PLXNC1: variants seen among roughly 807,000 people sequenced by gnomAD.
PLXNC1 encodes plexin-C1.
Under a neutral mutation model 178.2 loss-of-function variants are expected in PLXNC1, and 75 were observed. That is an observed-to-expected ratio of 0.42 (90% CI 0.35 to 0.51). The LOEUF (loss-of-function observed/expected upper bound fraction) is 0.51, where lower values mean the gene tolerates loss of function less well. Among genes scored for constraint, PLXNC1 ranks in the 20% least tolerant of loss-of-function variants. The pLI is 0.02. For missense variants in PLXNC1, 1,503 were observed against 1,984.4 expected (o/e 0.76, Z 4.61); for synonymous variants, 790 against 779.9 (o/e 1.01, Z -0.22).
chr12:94,237,131 G>A (rs1050648247), intron 9 of PLXNC1, among the ~76,000 whole-genome samples: 1 of 152,220 alleles, frequency 6.6e-6, no homozygotes, highest in African/African-American at 2.4e-5. Flanking sequence ...GATAGTAGGT[G>A]ACTGAACAGG....
intron 3 of PLXNC1, among the ~76,000 whole-genome samples, chr12:94,182,207 C>T (rs1962333118): frequency 6.6e-6 from 1 of 152,072 alleles, no homozygotes; most frequent in Non-Finnish European, 1.5e-5. Flanking sequence ...TGTCTAGGTG[C>T]ATAGAATTGT....
intron 3 of PLXNC1, among the ~76,000 whole-genome samples, chr12:94,183,484 C>T (rs1962399874): frequency 6.6e-6 from 1 of 152,212 alleles, no homozygotes; most frequent in Admixed American, 6.5e-5. Flanking sequence ...TAACAGTTCC[C>T]ATTCCCAGGG....
intron 23 of PLXNC1, among the ~76,000 whole-genome samples, chr12:94,292,113 A>G (rs1325766678): frequency 6.6e-6 from 1 of 152,250 alleles, no homozygotes; most frequent in African/African-American, 2.4e-5. Flanking sequence ...ATGAACTAAC[A>G]CATAGTAATA....
rs1378288736 is a variant in PLXNC1, at chr12:94,226,720, T to G, written c.1893+13T>G. The G allele has an allele frequency of 6.3e-7, 1 of 1,585,506 alleles. No homozygotes were observed. The highest frequency in any genetic ancestry group is 1.3e-5 in the African/African-American group (1 of 74,232). On this transcript the variant is annotated intron_variant, in intron 8 of 30. Transcript: ENST00000258526. ...TGAGAGAAACCAGGTAAAGTGACAT[T>G]TTTGGTATTGTAAGTCTTAACCGCC...
chr12:94,302,922 C>A lies in PLXNC1; in HGVS notation c.4387-834C>A, dbSNP rs182126438. Among the ~76,000 whole-genome samples, 3 of 152,070 alleles carry A rather than the reference C, an allele frequency of 2.0e-5. No homozygotes were observed. The South Asian group carries it at 6.2e-4, about 32-fold the overall frequency. ...TGAATGATAGCATGATTTCTGGGTT[C>A]CACTTAAATTTGACAAATGAGAAAA... On this transcript the variant is annotated intron_variant, in intron 28 of 30. Coordinates refer to ENST00000258526, the MANE Select transcript of PLXNC1 (RefSeq NM_005761.3).
intron 14 of PLXNC1, among the ~76,000 whole-genome samples, chr12:94,250,273 G>A (rs1167620588): frequency 6.6e-6 from 1 of 152,184 alleles, no homozygotes; most frequent in African/African-American, 2.4e-5. Flanking sequence ...GTGGGCTGCA[G>A]AAGGCATGGG....
intron 3 of PLXNC1, chr12:94,186,056 C>A: frequency 4.4e-6 from 1 of 226,178 alleles, no homozygotes; most frequent in East Asian, 9.4e-5. Flanking sequence ...CCAGCCTGGG[C>A]AACGTAGTGA....
intron 3 of PLXNC1, 97 bp from the exon 4 acceptor site, chr12:94,186,276 T>A (rs772240918): frequency 1.2e-6 from 1 of 819,706 alleles, no homozygotes; most frequent in Non-Finnish European, 2.1e-6. Context: ...TTCAAGTTGA[T>A]AAATAGGCTC....
In PLXNC1 at chr12:94,264,250, G is replaced by A. The variant is rs1371480666; in HGVS notation, c.3451-829G>A. Among the ~76,000 whole-genome samples, 5 of 152,112 alleles carry A rather than the reference G, an allele frequency of 3.3e-5. No homozygotes were observed. In the East Asian group the frequency reaches 9.6e-4, roughly 29 times the overall value. On this transcript the variant is annotated intron_variant, in intron 20 of 30. Coordinates refer to ENST00000258526, the MANE Select transcript of PLXNC1 (RefSeq NM_005761.3). ...CCACTTGAGGTGCTCAGAGTCCTTTGGAATGCAGACATCCGTGTCTGCGAA... is the reference window on the plus strand; with the variant it reads ...CCACTTGAGGTGCTCAGAGTCCTTTAGAATGCAGACATCCGTGTCTGCGAA...
intron 10 of PLXNC1, among the ~76,000 whole-genome samples, 170 bp from the exon 11 acceptor site, chr12:94,240,312 CTAA>C (rs1964353847): frequency 6.6e-6 from 1 of 152,190 alleles, no homozygotes; most frequent in Non-Finnish European, 1.5e-5. Flanking sequence ...AACCCAACCC[CTAA>C]TAATACCAAC....
At chr12:94,185,302 C>T (rs143361544) in intron 3 of PLXNC1, among the ~76,000 whole-genome samples, 347 of 152,270 alleles carry the variant, frequency 2.3e-3, no homozygotes, top group African/African-American at 7.7e-3. Context: ...TCCTTGTTTT[C>T]CTCACAAAAT....
At position 94,307,132 on chromosome 12, in the gene PLXNC1, T is replaced by C. The variant is rs1028309361; in HGVS notation, c.*1847T>C. On this transcript the variant is annotated 3_prime_UTR_variant, in exon 31 of 31. Transcript: ENST00000258526. ...ACTAAATGCTACATGAGGGTGTCCCTGTCCAGCTTTCTGGCACATGAGTCC... is the reference window on the plus strand; with the variant it reads ...ACTAAATGCTACATGAGGGTGTCCCCGTCCAGCTTTCTGGCACATGAGTCC... The C allele has an allele frequency of 6.6e-6, 1 of 152,242 alleles. No individual in the cohort carries two copies. The highest frequency in any genetic ancestry group is 2.4e-5 in the African/African-American group (1 of 41,460). 9.4% of individuals were successfully genotyped at this position (152,242 alleles called of 1,614,324 possible). A position where few individuals can be genotyped will look rare whatever the true frequency, so the allele number is the denominator to read the frequency against.
intron 11 of PLXNC1, among the ~76,000 whole-genome samples, chr12:94,241,509 G>A (rs911813187): frequency 6.6e-6 from 1 of 151,362 alleles, no homozygotes; most frequent in Non-Finnish European, 1.5e-5. Context: ...TCCCTCTCTG[G>A]CCCCGCCACA....
intron 20 of PLXNC1, among the ~76,000 whole-genome samples, chr12:94,264,619 T>C (rs1288439472): frequency 6.6e-6 from 1 of 152,262 alleles, no homozygotes; most frequent in East Asian, 1.9e-4. Flanking sequence ...TTGGCAAATG[T>C]ATAAAATGTT....
At position 94,160,581 on chromosome 12, in the gene PLXNC1, G is replaced by A. The variant is rs569488464; in HGVS notation, c.1063-8572G>A. Reference sequence around the variant, plus strand: ...TGACCCCTTTTAAAAATTGGATTCCGAGTGCAAAGCCTTGCTTCTCTGAGG... The same window carrying A: ...TGACCCCTTTTAAAAATTGGATTCCAAGTGCAAAGCCTTGCTTCTCTGAGG... On this transcript the variant is annotated intron_variant, in intron 1 of 30. Transcript: ENST00000258526. Among the ~76,000 whole-genome samples the A allele has an allele frequency of 5.9e-5, 9 of 152,168 alleles. No homozygotes were observed. The South Asian group carries it at 1.0e-3, about 18-fold the overall frequency.
intron 2 of PLXNC1, 103 bp downstream of exon 2, chr12:94,169,396 C>A: frequency 1.0e-6 from 1 of 958,870 alleles, no homozygotes. Context: ...GAGACCAAAC[C>A]AAGAACTTCA....
At position 94,224,323 on chromosome 12, in the gene PLXNC1, T is replaced by G; in HGVS notation, c.1790+8T>G. The G allele has an allele frequency of 7.2e-7, 1 of 1,382,962 alleles. No homozygotes were observed. The highest frequency in any genetic ancestry group is 1.0e-6 in the Non-Finnish European group (1 of 969,586). 85.7% of individuals were successfully genotyped at this position (1,382,962 alleles called of 1,614,324 possible). On this transcript the variant is annotated splice_region_variant and intron_variant, in intron 7 of 30. Coordinates refer to ENST00000258526, the MANE Select transcript of PLXNC1 (RefSeq NM_005761.3). ...CTGCTCATCATTAAAAGAGTAAGAT[T>G]TTATTTGAAATTTGAATATTCTCTC...
At chr12:94,184,879 G>A (rs977762903) in intron 3 of PLXNC1, among the ~76,000 whole-genome samples, 2 of 152,232 alleles carry the variant, frequency 1.3e-5, no homozygotes, top group African/African-American at 4.8e-5. Flanking sequence ...GTGAGGCTCA[G>A]CATAGTCAAA....
At chr12:94,188,520 C>T (rs1962604422) in intron 4 of PLXNC1, among the ~76,000 whole-genome samples, 1 of 152,006 alleles carries the variant, frequency 6.6e-6, no homozygotes, top group Non-Finnish European at 1.5e-5. Context: ...GATGGGGTTT[C>T]ACCATGTTGG....
Sources: allele counts gnomAD v4.1 joint callset (sites outside exome capture counted in the v4.1 genomes callset), GRCh38; gene constraint gnomAD v4.1.1; transcripts MANE v1.5; gene names NCBI Gene and HGNC (gene_info 2026-07-23, HGNC 2026-07-21).